The following TRAK1 variants were observed in gnomAD, a reference collection of about 807,000 sequenced individuals.
TRAK1 encodes trafficking kinesin protein 1.
A neutral mutation model predicts 92.1 loss-of-function variants in TRAK1; 33 were observed. That is an observed-to-expected ratio of 0.36 (90% CI 0.27 to 0.48). The LOEUF (loss-of-function observed/expected upper bound fraction) is 0.48, where lower values mean the gene tolerates loss of function less well. Ranked by LOEUF, TRAK1 falls within the 20% of genes least tolerant of loss-of-function variation. The probability of loss-of-function intolerance (pLI) is 0.99; values close to 1 mark genes in which losing one functional copy is unlikely to be tolerated. For missense variants in TRAK1, 1,123 were observed against 1,257.9 expected, an observed-to-expected ratio of 0.89 and a Z score of 1.62; for synonymous variants, 521 against 517.3, an observed-to-expected ratio of 1.01 and a Z score of -0.10.
At chr3:42,171,183 G>A (rs1240783404) in intron 2 of TRAK1, among the ~76,000 whole-genome samples, 1 of 151,826 alleles carries the variant, frequency 6.6e-6, no homozygotes, top group Non-Finnish European at 1.5e-5. Flanking sequence ...GGTTTGGGAG[G>A]TTTTTCTTTT....
chr3:42,121,820 A>G (rs1047492808), intron 1 of TRAK1, among the ~76,000 whole-genome samples: 1 of 151,470 alleles, frequency 6.6e-6, no homozygotes, highest in Non-Finnish European at 1.5e-5. Flanking sequence ...TCAAATATAC[A>G]GTTGTTTTTT....
At chr3:42,209,152 C>T (rs1708668920) in intron 13 of TRAK1, among the ~76,000 whole-genome samples, 1 of 152,214 alleles carries the variant, frequency 6.6e-6, no homozygotes, top group African/African-American at 2.4e-5. Flanking sequence ...ATTCCTTCTC[C>T]CTAACCCGGC....
At chr3:42,159,822 C>T (rs1701035323) in intron 2 of TRAK1, among the ~76,000 whole-genome samples, 1 of 152,164 alleles carries the variant, frequency 6.6e-6, no homozygotes, top group African/African-American at 2.4e-5. Flanking sequence ...ATCTTAAGCC[C>T]GCCCACAGGA....
chr3:42,128,603 T>C (rs1576502133), intron 2 of TRAK1, among the ~76,000 whole-genome samples: 1 of 152,376 alleles, frequency 6.6e-6, no homozygotes, highest in East Asian at 1.9e-4. Flanking sequence ...AAAATTACTT[T>C]TATTTTTATT....
intron 2 of TRAK1, chr3:42,146,405 G>GT (rs1699336789): frequency 9.2e-6 from 2 of 218,432 alleles, no homozygotes; most frequent in South Asian, 8.3e-5. Context: ...ATAAATGTAT[G>GT]TTTTTTAATG....
At chr3:42,168,201 A>T (rs1292435617) in intron 2 of TRAK1, among the ~76,000 whole-genome samples, 1 of 152,200 alleles carries the variant, frequency 6.6e-6, no homozygotes, top group Non-Finnish European at 1.5e-5. Context: ...TAGTACCTTT[A>T]TGTGCTGTTT....
chr3:42,076,101 C>T (rs1704142975), intron 1 of TRAK1, among the ~76,000 whole-genome samples: 1 of 151,956 alleles, frequency 6.6e-6, no homozygotes, highest in Non-Finnish European at 1.5e-5. Flanking sequence ...GCCTCAGCCT[C>T]CCAAAGTGCT....
chr3:42,081,873 T>A (rs1433152144), intron 1 of TRAK1, among the ~76,000 whole-genome samples: 1 of 152,246 alleles, frequency 6.6e-6, no homozygotes, highest in Non-Finnish European at 1.5e-5. Context: ...CCATAATTTA[T>A]AACTGTTTTT....
At chr3:42,139,131 T>C (rs537555155) in intron 2 of TRAK1, among the ~76,000 whole-genome samples, 6 of 152,144 alleles carry the variant, frequency 3.9e-5, no homozygotes, top group African/African-American at 1.2e-4. Context: ...CATTATAATG[T>C]ATTTATAAGT....
chr3:42,065,777 G>A (rs1703650417), intron 1 of TRAK1, among the ~76,000 whole-genome samples: 1 of 151,982 alleles, frequency 6.6e-6, no homozygotes, highest in African/African-American at 2.4e-5. Flanking sequence ...CTATAGGCGT[G>A]TACCACCACA....
intron 15 of TRAK1, chr3:42,220,371 AACAGAGTAGAACG>A (rs1478741828): frequency 2.0e-5 from 12 of 592,554 alleles, no homozygotes; most frequent in Non-Finnish European, 2.5e-5. Flanking sequence ...GCTCTCCCCT[AACAGAGTAGAACG>A]ACCCCCTCAG....
intron 2 of TRAK1, among the ~76,000 whole-genome samples, chr3:42,144,281 AAGATT>A (rs1699060567): frequency 6.6e-6 from 1 of 152,126 alleles, no homozygotes; most frequent in Non-Finnish European, 1.5e-5. Context: ...AAAAAAAAGA[AAGATT>A]AGAGTGATGA....
intron 2 of TRAK1, among the ~76,000 whole-genome samples, chr3:42,127,631 G>A (rs1194622704): frequency 6.6e-6 from 1 of 152,138 alleles, no homozygotes; most frequent in Non-Finnish European, 1.5e-5. Context: ...AAAGTGCTAG[G>A]AAATCAGGTG....
At chr3:42,215,290 A>G (rs1339479010) in intron 14 of TRAK1, among the ~76,000 whole-genome samples, 2 of 152,204 alleles carry the variant, frequency 1.3e-5, no homozygotes, top group East Asian at 1.9e-4. Flanking sequence ...TGCAGCTGAC[A>G]GGCAAAGACA....
chr3:42,072,150 T>C (rs2148938885), intron 1 of TRAK1, among the ~76,000 whole-genome samples: 1 of 152,282 alleles, frequency 6.6e-6, no homozygotes, highest in Admixed American at 6.5e-5. Flanking sequence ...GGCCACTATG[T>C]ACCCAAAACA....
At chr3:42,124,155 T>A (rs539346166) in intron 1 of TRAK1, among the ~76,000 whole-genome samples, 6 of 151,058 alleles carry the variant, frequency 4.0e-5, no homozygotes, top group African/African-American at 1.5e-4. Flanking sequence ...AAAAAAAGAA[T>A]CAACCTCAGT....
intron 1 of TRAK1, among the ~76,000 whole-genome samples, chr3:42,016,103 A>T (rs906410630): frequency 6.6e-6 from 1 of 152,212 alleles, no homozygotes; most frequent in Non-Finnish European, 1.5e-5. Context: ...AGCACTATTC[A>T]CATTGAATGG....
At chr3:42,164,352 G>T (rs550007091) in intron 2 of TRAK1, among the ~76,000 whole-genome samples, 2 of 152,312 alleles carry the variant, frequency 1.3e-5, no homozygotes, top group South Asian at 4.1e-4. Context: ...TACATTTGTT[G>T]TTCTCTCCAG....
At chr3:42,039,428 A>T (rs1053682165) in intron 1 of TRAK1, among the ~76,000 whole-genome samples, 1 of 152,158 alleles carries the variant, frequency 6.6e-6, no homozygotes, top group African/African-American at 2.4e-5. Context: ...CAATGGCGTG[A>T]TCTCAGCTTA....
Sources: gnomAD v4.1 joint callset for allele counts (sites outside exome capture counted in the v4.1 genomes callset) on GRCh38, gnomAD v4.1.1 for gene constraint, MANE v1.5 for transcripts, NCBI Gene and HGNC (gene_info 2026-07-23, HGNC 2026-07-21) for gene names.